ATG4D: variants seen among roughly 807,000 people sequenced by gnomAD.
ATG4D encodes cysteine protease ATG4D.
Under a neutral mutation model 55.2 loss-of-function variants are expected in ATG4D, and 51 were observed. The ratio of observed to expected loss-of-function variants is 0.92; its 90% confidence interval spans 0.74 to 1.17. The LOEUF (loss-of-function observed/expected upper bound fraction) is 1.17. Ranked by LOEUF, ATG4D falls within the 50% of genes most tolerant of loss-of-function variation. The pLI, the probability that ATG4D is intolerant of heterozygous loss-of-function variation, is 0.00. For synonymous variants in ATG4D, 268 were observed against 266.2 expected (o/e 1.01, Z -0.07); for missense variants, 635 against 649.6 (o/e 0.98, Z 0.25).
rs1040390396 is a variant in ATG4D at position 10,543,945 on chromosome 19, C to A, written c.-146C>A. On this transcript the variant is annotated 5_prime_UTR_variant, in exon 1 of 10. Coordinates refer to ENST00000309469, the MANE Select transcript of ATG4D (RefSeq NM_032885.6). ...ATGGCGATGGCTGCGGTAGCAGCGG[C>A]GGCGGCTGTTGCCTGGCCCGGTACC... 1.3e-5 allele frequency: 6 copies of A among 453,030 alleles called. No individual in the cohort carries two copies. Among genetic ancestry groups the A allele is most frequent in the African/African-American group, 1.0e-4 (5 of 49,078 alleles). 28.1% of individuals were successfully genotyped at this position (453,030 alleles called of 1,614,324 possible). A position where few individuals can be genotyped will look rare whatever the true frequency, so the allele number is the denominator to read the frequency against.
rs751330777 is a variant in ATG4D at position 10,553,013 on chromosome 19, A to C, written c.1371A>C (p.Thr457=). 5.0e-6 allele frequency: 8 copies of C among 1,612,564 alleles called. No homozygotes were observed. In the Admixed American group the frequency reaches 6.7e-5, roughly 13 times the overall value. The change falls in exon 10 of 10, where the codon ACA becomes ACC. Residue 457 remains threonine (T), a synonymous_variant. Coordinates refer to ENST00000309469, the MANE Select transcript of ATG4D (RefSeq NM_032885.6). ...LAQPTLRLPR[T]GRLLRAKRPS... ...AGCCCACACTCCGGCTCCCTCGCAC[A>C]GGGCGGCTCCTCAGGGCCAAACGCC...
In ATG4D at chr19:10,550,071, C is replaced by T. The variant is rs145882809; in HGVS notation, c.966+1037C>T. ...TGCCCACGCTGGAGTGCAGTGACAC[C>T]GTCTTGGCTCACTGCAACCTCCGCT... On this transcript the variant is annotated intron_variant, in intron 6 of 9. Transcript: ENST00000309469. Among the ~76,000 whole-genome samples the T allele has an allele frequency of 1.4e-3, 205 of 151,784 alleles. 4 individuals carry two copies. In the East Asian group the frequency reaches 0.034, roughly 25 times the overall value.
At chr19:10,552,661 G>A (rs1388607687) in intron 9 of ATG4D, among the ~76,000 whole-genome samples, 1 of 152,206 alleles carries the variant, frequency 6.6e-6, no homozygotes, top group Non-Finnish European at 1.5e-5. Flanking sequence ...TCACTGGAAG[G>A]GAAACGCAGG....
chr19:10,545,130 G>A lies in ATG4D; in HGVS notation c.493G>A (p.Asp165Asn). ...CCTTCTGCTGCATTTCCTGCCCAGA[G>A]GTGAGCCATAGGGGGGAAGGGGTGC... ...QGLLLHFLPR[D>N]WTWAEGMGLG... The change falls in exon 3 of 10, where the codon GAC (aspartate) becomes AAC (asparagine). Residue 165 changes from aspartate to asparagine, a missense_variant and splice_region_variant. Transcript: ENST00000309469. 2 of 1,609,118 alleles carry A rather than the reference G, an allele frequency of 1.2e-6. No individual in the cohort carries two copies. The highest frequency in any genetic ancestry group is 1.7e-6 in the Non-Finnish European group (2 of 1,179,982).
intron 5 of ATG4D, among the ~76,000 whole-genome samples, chr19:10,547,742 G>A (rs1426559691): frequency 6.6e-6 from 1 of 150,888 alleles, no homozygotes; most frequent in Non-Finnish European, 1.5e-5. Context: ...TGTCACCCAG[G>A]CTTCAGTGCA....
chr19:10,552,645 C>G (rs1390516237), intron 9 of ATG4D, among the ~76,000 whole-genome samples: 1 of 152,208 alleles, frequency 6.6e-6, no homozygotes, highest in African/African-American at 2.4e-5. Flanking sequence ...GGCACCCACC[C>G]TGTGGTCACT....
At chr19:10,550,011 C>A (rs779140458) in intron 6 of ATG4D, among the ~76,000 whole-genome samples, 7 of 152,028 alleles carry the variant, frequency 4.6e-5, no homozygotes, top group Non-Finnish European at 1.0e-4. Context: ...CATCTCTACA[C>A]AATTTTTTTT....
chr19:10,552,125 A>C lies in ATG4D; in HGVS notation c.1122+4A>C, dbSNP rs762841570. The C allele has an allele frequency of 5.6e-6, 9 of 1,611,648 alleles. No homozygotes were observed. The highest frequency in any genetic ancestry group is 1.6e-4 in the Middle Eastern group (1 of 6,062). ...CCAGGCCGACTTCCCCCTGGAGGTG[A>C]GTGGGAGCCCCAGTGTGTGGTTGGG... On this transcript the variant is annotated splice_donor_region_variant and intron_variant, in intron 8 of 9. Transcript: ENST00000309469.
intron 5 of ATG4D, 53 bp downstream of exon 5, chr19:10,547,306 C>T (rs1916069840): frequency 1.9e-6 from 3 of 1,583,178 alleles, no homozygotes; most frequent in South Asian, 1.1e-5. Context: ...CCAGACTCTG[C>T]CTTACCCGAT....
chr19:10,552,283 G>A lies in ATG4D; in HGVS notation c.1201G>A (p.Asp401Asn), dbSNP rs1194091119. The A allele has an allele frequency of 3.1e-6, 5 of 1,613,472 alleles. No individual in the cohort carries two copies. In the Middle Eastern group the frequency reaches 4.9e-4, roughly 159 times the overall value. ...CTGTACCGTGGGCTTCTATGCTGGA[G>A]ACAGGAAGGAGTTTGAGACACTCTG... ...PSCTVGFYAG[D>N]RKEFETLCSE... The change falls in exon 9 of 10, where the codon GAC becomes AAC. Residue 401 changes from aspartate (D) to asparagine (N), a missense_variant. Coordinates refer to ENST00000309469, the MANE Select transcript of ATG4D (RefSeq NM_032885.6).
At chr19:10,552,830 A>G (rs1916324969) in intron 9 of ATG4D, 55 bp from the exon 10 acceptor site, 1 of 1,536,890 alleles carries the variant, frequency 6.5e-7, no homozygotes. Context: ...AACCTGGGCT[A>G]AGGAATATGG....
chr19:10,550,796 C>A (rs931171177), intron 6 of ATG4D, among the ~76,000 whole-genome samples: 1 of 149,372 alleles, frequency 6.7e-6, no homozygotes, highest in Non-Finnish European at 1.5e-5. Flanking sequence ...ACTGCAAGCT[C>A]CACCTCCTGG....
At position 10,552,118 on chromosome 19, in the gene ATG4D, G is replaced by A; in HGVS notation, c.1119G>A (p.Leu373=). The part of the protein sequence containing the change: ...TVDVSQADFP[L]ESFHCTSPRK... ...ATGTCAGCCAGGCCGACTTCCCCCT[G>A]GAGGTGAGTGGGAGCCCCAGTGTGT... Residue 373 remains leucine, a synonymous_variant, in exon 8 of 10, where the codon CTG becomes CTA. Transcript: ENST00000309469. The A allele has an allele frequency of 2.5e-6, 4 of 1,611,656 alleles. No individual in the cohort carries two copies. Among genetic ancestry groups the A allele is most frequent in the Non-Finnish European group, 3.4e-6 (4 of 1,179,984 alleles).
chr19:10,545,503 C>T (rs576788143), intron 3 of ATG4D, among the ~76,000 whole-genome samples: 4 of 151,722 alleles, frequency 2.6e-5, no homozygotes, highest in East Asian at 3.9e-4. Flanking sequence ...ACCCAGGAGG[C>T]GGAGGTTACA....
chr19:10,547,154 C>T lies in ATG4D; in HGVS notation c.771-35C>T, dbSNP rs764759490. The T allele has an allele frequency of 1.9e-6, 3 of 1,612,140 alleles. No homozygotes were observed. The Admixed American group carries it at 5.0e-5, about 27-fold the overall frequency. On this transcript the variant is annotated intron_variant, in intron 4 of 9. Coordinates refer to ENST00000309469, the MANE Select transcript of ATG4D (RefSeq NM_032885.6). ...CAGGGATCACGGGAGTTGCTGGGTA[C>T]CCGCAGGCACTCAGGCCTTCCCTCC...
Position 10,549,059 on chromosome 19 carries a change from A to G in ATG4D, c.966+25A>G, listed in dbSNP as rs3816042. On this transcript the variant is annotated intron_variant, in intron 6 of 9. Transcript: ENST00000309469. ...GGTAGGTTCAGCTGAATTCTAGGAC[A>G]CCTCCACCTGGGAGCCCTCCAGACT... 6,567 of 1,610,930 alleles carry G rather than the reference A, an allele frequency of 4.1e-3. 142 individuals are homozygous for G. The African/African-American group carries it at 0.055, about 14-fold the overall frequency.
Position 10,553,007 on chromosome 19 carries a change from T to G in ATG4D, c.1365T>G (p.Pro455=). The change falls in exon 10 of 10, where the codon CCT becomes CCG. Residue 455 remains proline, a synonymous_variant. Coordinates refer to ENST00000309469, the MANE Select transcript of ATG4D (RefSeq NM_032885.6). The part of the protein sequence containing the change: ...SQLAQPTLRL[P]RTGRLLRAKR... The stretch of plus-strand genomic sequence containing the variant: ...TCGCCCAGCCCACACTCCGGCTCCC[T>G]CGCACAGGGCGGCTCCTCAGGGCCA... The G allele has an allele frequency of 6.2e-7, 1 of 1,612,948 alleles. No individual in the cohort carries two copies. Among genetic ancestry groups the G allele is most frequent in the Non-Finnish European group, 8.5e-7 (1 of 1,179,962 alleles).
chr19:10,544,705 A>G (rs1568414219), intron 1 of ATG4D, 78 bp from the exon 2 acceptor site: 4 of 1,592,150 alleles, frequency 2.5e-6, no homozygotes, highest in South Asian at 2.3e-5. Context: ...TGCCCATTTC[A>G]CAGATGGGGG....
chr19:10,544,559 C>G, intron 1 of ATG4D: 1 of 1,037,130 alleles, frequency 9.6e-7, no homozygotes, highest in Admixed American at 3.4e-5. Context: ...TTTTGCCCCT[C>G]TCTGTAAAAT....
Sources: allele counts gnomAD v4.1 joint callset (sites outside exome capture counted in the v4.1 genomes callset), GRCh38; gene constraint gnomAD v4.1.1; transcripts MANE v1.5; gene names NCBI Gene and HGNC (gene_info 2026-07-23, HGNC 2026-07-21).